The following LCTL variants were observed in gnomAD, a reference collection of about 807,000 sequenced individuals.
LCTL encodes the protein lactase like.
LCTL carries 76 observed loss-of-function variants against 75.8 expected under a neutral mutation model. The observed-to-expected ratio is 1.00, with a 90% CI of 0.83 to 1.21. LCTL has a LOEUF of 1.21. Ranked by LOEUF, LCTL falls within the 50% of genes most tolerant of loss-of-function variation. LCTL has a pLI of 0.00. For synonymous variants in LCTL, 271 were observed against 268.8 expected (o/e 1.01, Z -0.08); for missense variants, 670 against 712.4 (o/e 0.94, Z 0.68).
At chr15:66,555,187 TAAGAA>T (rs1895711345) in intron 8 of LCTL, among the ~76,000 whole-genome samples, 3 of 152,256 alleles carry the variant, frequency 2.0e-5, no homozygotes, top group Non-Finnish European at 2.9e-5. Flanking sequence ...TTTAGTGACT[TAAGAA>T]AAGCCACCAG....
chr15:66,563,414 A>C lies in LCTL; in HGVS notation c.480+102T>G. On this transcript the variant is annotated intron_variant, in intron 4 of 12. Transcript: ENST00000341509. ...CTTATAGTCCTGCGCCAGAATCCAGACCCTAGTCTCTGCTCCACCTTGGCA... is the reference window on the plus strand; with the variant it reads ...CTTATAGTCCTGCGCCAGAATCCAGCCCCTAGTCTCTGCTCCACCTTGGCA... 7.4e-6 allele frequency: 5 copies of C among 679,022 alleles called. No homozygotes were observed. In the South Asian group the frequency reaches 9.2e-5, roughly 12 times the overall value. 42.1% of individuals were successfully genotyped at this position (679,022 alleles called of 1,614,324 possible). A position where few individuals can be genotyped will look rare whatever the true frequency, so the allele number is the denominator to read the frequency against.
chr15:66,559,661 T>C (rs1895834329), intron 6 of LCTL, among the ~76,000 whole-genome samples: 1 of 152,130 alleles, frequency 6.6e-6, no homozygotes, highest in Non-Finnish European at 1.5e-5. Flanking sequence ...TGAGCCGAGA[T>C]CGTGCCACTG....
intron 2 of LCTL, 124 bp from the exon 4 acceptor site, chr15:66,564,122 C>T: frequency 7.3e-6 from 5 of 686,322 alleles, no homozygotes; most frequent in Non-Finnish European, 1.3e-5. Flanking sequence ...GAAGAACCTG[C>T]TTCCTCACCT....
At chr15:66,562,362 C>G (rs2140851845) in intron 4 of LCTL, among the ~76,000 whole-genome samples, 1 of 150,180 alleles carries the variant, frequency 6.7e-6, no homozygotes, top group Non-Finnish European at 1.5e-5. Context: ...GAGATCATGC[C>G]ACTGCACTCC....
chr15:66,555,684 T>A (rs145598179), intron 8 of LCTL, among the ~76,000 whole-genome samples: 3 of 152,204 alleles, frequency 2.0e-5, no homozygotes, highest in Non-Finnish European at 4.4e-5. Context: ...ATAGACAAAT[T>A]GGACTTCATG....
intron 3 of LCTL, 132 bp from the exon 5 acceptor site, chr15:66,563,757 G>A: frequency 1.2e-6 from 1 of 844,768 alleles, no homozygotes; most frequent in Non-Finnish European, 1.9e-6. Flanking sequence ...AGCATTCTGG[G>A]AGCCCAGTTA....
intron 3 of LCTL, 78 bp downstream of exon 4, chr15:66,563,833 G>A: frequency 1.7e-6 from 2 of 1,154,876 alleles, no homozygotes; most frequent in East Asian, 4.7e-5. Flanking sequence ...CCCTCCCCAG[G>A]ACTCTGTGGT....
chr15:66,564,797 C>A, exon 2 of LCTL: 1 of 1,613,458 alleles, frequency 6.2e-7, no homozygotes. Context: ...GTCCCAGGCG[C>A]CCTCCGTCTG....
intron 11 of LCTL, 38 bp from the exon 13 acceptor site, chr15:66,550,142 ACTAATTTTTTG>A: frequency 7.4e-7 from 1 of 1,357,920 alleles, no homozygotes; most frequent in South Asian, 1.3e-5. Flanking sequence ...GTTGTCTTAG[ACTAATTTTTTG>A]CTGTTTCAAA....
rs766811169 is a variant in LCTL at position 66,551,760 on chromosome 15, C to T, written c.1426G>A (p.Val476Ile). 2.5e-6 allele frequency: 4 copies of T among 1,613,860 alleles called. No individual in the cohort carries two copies. In the Admixed American group the frequency reaches 6.7e-5, roughly 27 times the overall value. Reference sequence around the variant, plus strand: ...GGCTTATTTCTGTCGTTAAATTCAACATAGTAGAATCCATATCTATCTGAG... The same window carrying T: ...GGCTTATTTCTGTCGTTAAATTCAATATAGTAGAATCCATATCTATCTGAG... Residue 476 changes from valine (V) to isoleucine (I), a missense_variant, in exon 11 of 13, where the codon GTT becomes ATT. By Grantham distance (29) the Val-to-Ile change is conservative (BLOSUM62 3). Transcript: ENST00000341509.
chr15:66,564,009 A>G lies in LCTL; in HGVS notation c.283-11T>C, dbSNP rs768929569. On this transcript the variant is annotated splice_polypyrimidine_tract_variant and intron_variant, in intron 2 of 12. Transcript: ENST00000341509. Reference sequence around the variant, plus strand: ...CAGAATGATGTCCTCCTGTGCAGACAGGGGTGGGGAGACAGGTCACCTGGG... The same window carrying G: ...CAGAATGATGTCCTCCTGTGCAGACGGGGGTGGGGAGACAGGTCACCTGGG... 1.1e-5 allele frequency: 17 copies of G among 1,600,456 alleles called. No individual in the cohort carries two copies. The highest frequency in any genetic ancestry group is 1.5e-5 in the Non-Finnish European group (17 of 1,168,020).
chr15:66,563,556 A>C (rs1364746499), exon 4 of LCTL: 4 of 1,612,458 alleles, frequency 2.5e-6, no homozygotes, highest in Non-Finnish European at 3.4e-6. Context: ...GATGGGAGTG[A>C]TGTTGCTGCT....
chr15:66,551,721 C>G, exon 11 of LCTL: 1 of 1,614,082 alleles, frequency 6.2e-7, no homozygotes, highest in Non-Finnish European at 8.5e-7. Context: ...TGAACTGAAG[C>G]CTTTGGATAG....
chr15:66,558,954 C>G (rs745992853), intron 6 of LCTL, among the ~76,000 whole-genome samples: 2 of 151,936 alleles, frequency 1.3e-5, no homozygotes, highest in African/African-American at 2.4e-5. Context: ...CCTCAGCCTC[C>G]CAAAGTGCTG....
intron 8 of LCTL, among the ~76,000 whole-genome samples, chr15:66,556,245 A>T (rs1346340367): frequency 6.6e-6 from 1 of 152,190 alleles, no homozygotes; most frequent in Non-Finnish European, 1.5e-5. Context: ...CATGGAAGCA[A>T]CCTAAGTGTC....
intron 8 of LCTL, among the ~76,000 whole-genome samples, chr15:66,555,260 AT>A (rs1392142929): frequency 1.3e-5 from 2 of 152,180 alleles, no homozygotes; most frequent in Non-Finnish European, 2.9e-5. Context: ...GGCTATTAAA[AT>A]ATAGTGACCG....
At position 66,556,255 on chromosome 15, in the gene LCTL, C is replaced by G. The variant is rs1895735871; in HGVS notation, c.922+1467G>C. Among the ~76,000 whole-genome samples, 4 of 152,108 alleles carry G rather than the reference C, an allele frequency of 2.6e-5. No homozygotes were observed. The South Asian group carries it at 8.3e-4, about 32-fold the overall frequency. ...CTAAACATGGAAGCAACCTAAGTGT[C>G]TATTGATGGATGAATGAATAAGCAT... On this transcript the variant is annotated intron_variant, in intron 8 of 12. Transcript: ENST00000341509.
Position 66,548,617 on chromosome 15 carries a change from A to C in LCTL, c.1589-12T>G. 1 of 1,380,280 alleles carries C rather than the reference A, an allele frequency of 7.2e-7. No homozygotes were observed. The highest frequency in any genetic ancestry group is 1.0e-6 in the Non-Finnish European group (1 of 967,290). 85.5% of individuals were successfully genotyped at this position (1,380,280 alleles called of 1,614,324 possible). Reference sequence around the variant, plus strand: ...ACTTAGCAAGGGCTCTGAAATGACAAAGAGAACGAGCACCACAAATGAGAA... The same window carrying C: ...ACTTAGCAAGGGCTCTGAAATGACACAGAGAACGAGCACCACAAATGAGAA... On this transcript the variant is annotated splice_polypyrimidine_tract_variant and intron_variant, in intron 12 of 12. Transcript: ENST00000341509.
In LCTL at chr15:66,555,552, AAAAG is replaced by A. The variant is rs901864152; in HGVS notation, c.922+2166_922+2169del. On this transcript the variant is annotated intron_variant, in intron 8 of 12. Coordinates refer to ENST00000341509, the Ensembl canonical transcript of LCTL. ...CGAGACTCTGTCTCAAAAATAAAAA[AAAAG>A]AAAGAAAGAAAAAGAAAACATAGAG... Among the ~76,000 whole-genome samples the A allele has an allele frequency of 1.2e-4, 19 of 152,290 alleles. 1 individual carries two copies. The highest frequency in any genetic ancestry group is 3.3e-4 in the Admixed American group (5 of 15,300).
Sources: gnomAD v4.1 joint callset for allele counts (sites outside exome capture counted in the v4.1 genomes callset) on GRCh38, gnomAD v4.1.1 for gene constraint, MANE v1.5 for transcripts, NCBI Gene and HGNC (gene_info 2026-07-23, HGNC 2026-07-21) for gene names.